SOX5: variants seen among roughly 807,000 people sequenced by gnomAD.
SOX5 encodes the protein SRY-box transcription factor 5, also known as transcription factor SOX-5.
A neutral mutation model predicts 92.0 loss-of-function variants in SOX5; 9 were observed. The observed-to-expected ratio is 0.10, with a 90% confidence interval of 0.06 to 0.17. The LOEUF is 0.17. SOX5 is among the 10% of genes least tolerant of loss of function. The probability of loss-of-function intolerance (pLI) is 1.00; values close to 1 mark genes in which losing one functional copy is unlikely to be tolerated. For missense variants in SOX5, 642 were observed against 944.5 expected (o/e 0.68, Z 4.20); for synonymous variants, 344 against 336.3 (o/e 1.02, Z -0.25).
At chr12:24,070,982 T>C (rs1364437352) in intron 4 of SOX5, among the ~76,000 whole-genome samples, 1 of 152,198 alleles carries the variant, frequency 6.6e-6, no homozygotes, top group African/African-American at 2.4e-5. Context: ...CGTTTGAACC[T>C]TATATGCCAA....
At chr12:23,902,318 T>C (rs1203122883) in intron 1 of SOX5, among the ~76,000 whole-genome samples, 2 of 152,304 alleles carry the variant, frequency 1.3e-5, no homozygotes, top group South Asian at 2.1e-4. Context: ...TTTCTTTAAA[T>C]ATTTTAACCT....
Position 23,530,814 on chromosome 12 carries a change from T to C in SOX5, c.*3405A>G, listed in dbSNP as rs1040455338. On this transcript the variant is annotated 3_prime_UTR_variant, in exon 15 of 15. Transcript: ENST00000451604. ...GTTGGGGCAAGTGTGTGTGTGTGTGTGTGTGCGCGCGCGCGCGCGCGCATG... is the reference window on the plus strand; with the variant it reads ...GTTGGGGCAAGTGTGTGTGTGTGTGCGTGTGCGCGCGCGCGCGCGCGCATG... 3.0e-5 allele frequency: 4 copies of C among 135,352 alleles called. No individual in the cohort carries two copies. Among genetic ancestry groups the C allele is most frequent in the East Asian group, 2.4e-4 (1 of 4,092 alleles). The allele number at this position is 135,352 out of a possible 1,614,324, so 8.4% of individuals were successfully genotyped here.
chr12:24,554,611 C>T (rs1330774724), intron 1 of SOX5, among the ~76,000 whole-genome samples: 1 of 152,146 alleles, frequency 6.6e-6, no homozygotes, highest in African/African-American at 2.4e-5. Flanking sequence ...CAGTACAACA[C>T]AGAGAACCAC....
At chr12:24,483,773 A>C (rs1260218029) in intron 1 of SOX5, among the ~76,000 whole-genome samples, 1 of 152,238 alleles carries the variant, frequency 6.6e-6, no homozygotes, top group Non-Finnish European at 1.5e-5. Context: ...AGTTTTCCTA[A>C]GCATTTTTCA....
At chr12:24,396,080 AT>A (rs1442962056) in intron 1 of SOX5, among the ~76,000 whole-genome samples, 9 of 152,248 alleles carry the variant, frequency 5.9e-5, no homozygotes, top group African/African-American at 2.2e-4. Flanking sequence ...TGGGTCAGAC[AT>A]AATGCATTTG....
At chr12:24,420,104 A>G (rs964312513) in intron 1 of SOX5, among the ~76,000 whole-genome samples, 2 of 152,244 alleles carry the variant, frequency 1.3e-5, no homozygotes, top group East Asian at 3.8e-4. Flanking sequence ...CAGGCCTCAC[A>G]TGTACTAACA....
At chr12:24,263,274 T>A (rs1441653395) in intron 3 of SOX5, among the ~76,000 whole-genome samples, 1 of 151,604 alleles carries the variant, frequency 6.6e-6, no homozygotes, top group Non-Finnish European at 1.5e-5. Flanking sequence ...ACACCTGTAA[T>A]CCCAGCACTT....
chr12:23,975,346 T>A (rs1168277320), intron 4 of SOX5, among the ~76,000 whole-genome samples: 1 of 151,592 alleles, frequency 6.6e-6, no homozygotes, highest in East Asian at 1.9e-4. Context: ...TATACTTTTT[T>A]TAAAAAAAAA....
intron 4 of SOX5, among the ~76,000 whole-genome samples, chr12:24,139,440 A>C (rs1235983879): frequency 6.6e-6 from 1 of 152,156 alleles, no homozygotes; most frequent in Non-Finnish European, 1.5e-5. Context: ...AAGGAAAAAA[A>C]CTCTTAAATA....
chr12:24,019,945 G>A lies in SOX5; in HGVS notation c.-1-123921C>T, dbSNP rs568055817. Among the ~76,000 whole-genome samples, 13 of 152,308 alleles carry A rather than the reference G, an allele frequency of 8.5e-5. No homozygotes were observed. In the South Asian group the frequency reaches 2.7e-3, roughly 32 times the overall value. ...GTTATTACTAAAACCTCACGTGGAT[G>A]TATCCTGGTTCCACACTGTGTGCCA... On this transcript the variant is annotated intron_variant, in intron 4 of 4. Coordinates refer to the SOX5 transcript ENST00000446891.
chr12:24,256,167 G>C (rs940729360), intron 3 of SOX5, among the ~76,000 whole-genome samples: 17 of 152,190 alleles, frequency 1.1e-4, no homozygotes, highest in African/African-American at 4.1e-4. Flanking sequence ...ATGTGTGGCA[G>C]ATAAATGTAA....
chr12:23,538,467 G>T lies in SOX5; in HGVS notation c.1772-1798C>A, dbSNP rs1388083332. 2.0e-5 allele frequency among the ~76,000 whole-genome samples: 3 copies of T among 152,078 alleles called. No individual in the cohort carries two copies. The East Asian group carries it at 5.8e-4, about 29-fold the overall frequency. On this transcript the variant is annotated intron_variant, in intron 13 of 14. Coordinates refer to ENST00000451604, the MANE Select transcript of SOX5 (RefSeq NM_006940.6). ...GCATCATCCAACATTAGGTTGGTTGGTCAAGCCATATCATTTGTAGGGACA... is the reference window on the plus strand; with the variant it reads ...GCATCATCCAACATTAGGTTGGTTGTTCAAGCCATATCATTTGTAGGGACA...
At chr12:24,266,107 T>C (rs1942986903) in intron 3 of SOX5, among the ~76,000 whole-genome samples, 1 of 150,610 alleles carries the variant, frequency 6.6e-6, no homozygotes, top group Non-Finnish European at 1.5e-5. Flanking sequence ...GGAGATGGGG[T>C]TTCACCATGT....
At chr12:23,847,866 G>C (rs565732837) in intron 2 of SOX5, among the ~76,000 whole-genome samples, 1 of 151,850 alleles carries the variant, frequency 6.6e-6, no homozygotes, top group Non-Finnish European at 1.5e-5. Context: ...ACAAACTCCC[G>C]CACGTTAAGT....
At chr12:24,401,708 T>TAAAAAAAAAAAAAAAAAA (rs71063321) in intron 1 of SOX5, among the ~76,000 whole-genome samples, 3 of 99,452 alleles carry the variant, frequency 3.0e-5, no homozygotes, top group African/African-American at 1.2e-4. Context: ...ACCCTATCTT[T>TAAAAAAAAAAAAAAAAAA]AAAAAAAAAA....
intron 7 of SOX5, among the ~76,000 whole-genome samples, chr12:23,643,987 A>C (rs78785479): frequency 1.3e-5 from 2 of 152,170 alleles, no homozygotes; most frequent in Admixed American, 6.5e-5. Context: ...AGAACCTCCA[A>C]TGACTCCCAC....
chr12:23,917,764 T>C (rs1016898005), intron 1 of SOX5, among the ~76,000 whole-genome samples: 1 of 152,124 alleles, frequency 6.6e-6, no homozygotes, highest in Admixed American at 6.5e-5. Flanking sequence ...ACTGCTGATA[T>C]TTTACTCTTA....
intron 9 of SOX5, among the ~76,000 whole-genome samples, chr12:23,576,557 T>C (rs1333622718): frequency 1.3e-5 from 2 of 152,222 alleles, no homozygotes; most frequent in Non-Finnish European, 2.9e-5. Flanking sequence ...ACCTGGTTTC[T>C]CTTATACTAT....
At chr12:23,833,235 C>G (rs974023473) in intron 3 of SOX5, among the ~76,000 whole-genome samples, 3 of 151,868 alleles carry the variant, frequency 2.0e-5, no homozygotes, top group Non-Finnish European at 4.4e-5. Flanking sequence ...TTAACAGGAA[C>G]GTTACATTTC....
Sources: gnomAD v4.1 joint callset for allele counts (sites outside exome capture counted in the v4.1 genomes callset) on GRCh38, gnomAD v4.1.1 for gene constraint, MANE v1.5 for transcripts, NCBI Gene and HGNC (gene_info 2026-07-23, HGNC 2026-07-21) for gene names.